PTPRM: variants seen among roughly 807,000 people sequenced by gnomAD.
PTPRM encodes the protein receptor-type tyrosine-protein phosphatase mu.
In PTPRM, 47 loss-of-function variants were observed where a neutral mutation model predicts 186.7. That is an observed-to-expected ratio of 0.25 (90% CI 0.20 to 0.32). The LOEUF (loss-of-function observed/expected upper bound fraction) is 0.32. PTPRM is among the 10% of genes least tolerant of loss of function. The pLI, the probability that PTPRM is intolerant of heterozygous loss-of-function variation, is 1.00. For synonymous variants in PTPRM, 668 were observed against 674.9 expected (o/e 0.99, Z 0.16); for missense variants, 1,494 against 1,865.0 (o/e 0.80, Z 3.66).
intron 7 of PTPRM, among the ~76,000 whole-genome samples, chr18:8,009,356 G>C (rs2084380477): frequency 6.7e-6 from 1 of 150,056 alleles, no homozygotes; most frequent in Non-Finnish European, 1.5e-5. Context: ...AAGCCTGAAA[G>C]AGCCCATTAC....
chr18:7,864,320 A>G (rs1235933802), intron 2 of PTPRM, among the ~76,000 whole-genome samples: 3 of 152,154 alleles, frequency 2.0e-5, no homozygotes, highest in East Asian at 3.8e-4. Context: ...TAGGATTTTT[A>G]TGGTTTTAGG....
intron 7 of PTPRM, among the ~76,000 whole-genome samples, chr18:8,052,301 T>C (rs139111611): frequency 1.3e-5 from 2 of 152,264 alleles, no homozygotes; most frequent in African/African-American, 4.8e-5. Context: ...CTAGAGAGTT[T>C]TATAGGGTCA....
intron 20 of PTPRM, among the ~76,000 whole-genome samples, chr18:8,302,991 G>T (rs1271651107): frequency 6.6e-6 from 1 of 152,112 alleles, no homozygotes; most frequent in Non-Finnish European, 1.5e-5. Context: ...TGAAAGAGAG[G>T]GATCTGGGCT....
intron 2 of PTPRM, among the ~76,000 whole-genome samples, chr18:7,775,806 C>A (rs1178904032): frequency 6.6e-6 from 1 of 152,194 alleles, no homozygotes; most frequent in African/African-American, 2.4e-5. Flanking sequence ...ATTTCAGAAT[C>A]TTTTCTAGCC....
intron 11 of PTPRM, among the ~76,000 whole-genome samples, chr18:8,099,021 G>T (rs554185217): frequency 6.6e-6 from 1 of 152,086 alleles, no homozygotes; most frequent in Non-Finnish European, 1.5e-5. Context: ...TATCCTGGGT[G>T]GTTCCATGCC....
intron 29 of PTPRM, among the ~76,000 whole-genome samples, chr18:8,383,666 A>AGC (rs778223834): frequency 6.6e-6 from 1 of 152,218 alleles, no homozygotes; most frequent in African/African-American, 2.4e-5. Flanking sequence ...TTCCAGGCAG[A>AGC]ACAGCAAAGC....
At chr18:8,209,121 C>T (rs1458013079) in intron 14 of PTPRM, among the ~76,000 whole-genome samples, 3 of 152,168 alleles carry the variant, frequency 2.0e-5, no homozygotes, top group East Asian at 1.9e-4. Context: ...TGAAAAAAGG[C>T]GTGACATTGT....
chr18:8,364,424 A>G (rs899076148), intron 23 of PTPRM, among the ~76,000 whole-genome samples: 2 of 152,202 alleles, frequency 1.3e-5, no homozygotes, highest in African/African-American at 4.8e-5. Flanking sequence ...ATCTTACTCC[A>G]TCACACTGAG....
intron 7 of PTPRM, among the ~76,000 whole-genome samples, chr18:7,993,465 A>C (rs1344778790): frequency 2.6e-5 from 4 of 152,130 alleles, no homozygotes; most frequent in Non-Finnish European, 4.4e-5. Flanking sequence ...AATTCTAAAC[A>C]ATAGAAAGAG....
At chr18:8,116,154 C>A (rs1302754170) in intron 13 of PTPRM, among the ~76,000 whole-genome samples, 1 of 152,160 alleles carries the variant, frequency 6.6e-6, no homozygotes. Context: ...AACCAGGTAT[C>A]CATTGATGCT....
rs2036468314 is a variant in PTPRM, at chr18:7,567,973, G to A, written c.73+82G>A. On this transcript the variant is annotated intron_variant, in intron 1 of 32. Coordinates refer to ENST00000580170, the MANE Select transcript of PTPRM (RefSeq NM_001105244.2). This position sits in a 1 kb window ranked among gnomAD's most constrained non-coding sequence, Gnocchi z 4.3. ...GGACGCCGACAGCTCCCTGGTGGTA[G>A]AGCCCTAAGGCTGGCGTCGGGGCCG... 1 of 1,385,226 alleles carries A rather than the reference G, an allele frequency of 7.2e-7. No homozygotes were observed. 85.8% of individuals were successfully genotyped at this position (1,385,226 alleles called of 1,614,324 possible). A position where few individuals can be genotyped will look rare whatever the true frequency, so the allele number is the denominator to read the frequency against.
At chr18:7,914,813 T>C (rs2050461726) in intron 4 of PTPRM, among the ~76,000 whole-genome samples, 1 of 152,146 alleles carries the variant, frequency 6.6e-6, no homozygotes, top group Non-Finnish European at 1.5e-5. Context: ...CTGTTCTTTT[T>C]GGCAGCAATT....
At chr18:7,814,631 G>A (rs1210897575) in intron 2 of PTPRM, 1 of 152,152 alleles carries the variant, frequency 6.6e-6, no homozygotes, top group Non-Finnish European at 1.5e-5. Flanking sequence ...TATATGTGTT[G>A]AGCACCACCA....
intron 7 of PTPRM, among the ~76,000 whole-genome samples, chr18:8,069,109 C>CAA (rs71165767): frequency 1.3e-3 from 102 of 78,598 alleles, no homozygotes; most frequent in Non-Finnish European, 1.6e-3. Flanking sequence ...GACTCCGTCT[C>CAA]AAAAAAAAAA....
At chr18:8,102,700 A>G (rs753857669) in intron 11 of PTPRM, among the ~76,000 whole-genome samples, 6 of 152,202 alleles carry the variant, frequency 3.9e-5, no homozygotes, top group Non-Finnish European at 5.9e-5. Flanking sequence ...GTTTAGAAAC[A>G]ACTTCTTCCA....
At chr18:8,279,081 AAT>A (rs1221319350) in intron 19 of PTPRM, among the ~76,000 whole-genome samples, 3 of 150,992 alleles carry the variant, frequency 2.0e-5, no homozygotes, top group African/African-American at 4.9e-5. Flanking sequence ...GTATAATACA[AAT>A]ATATATATAT....
chr18:7,922,719 ACTTG>A (rs1487165353), intron 4 of PTPRM, among the ~76,000 whole-genome samples: 3 of 152,120 alleles, frequency 2.0e-5, no homozygotes, highest in African/African-American at 4.8e-5. Context: ...AGTGAAGCCA[ACTTG>A]CTTCTATGCC....
chr18:8,323,421 C>T (rs1313489301), intron 22 of PTPRM, among the ~76,000 whole-genome samples: 2 of 152,136 alleles, frequency 1.3e-5, no homozygotes, highest in Non-Finnish European at 2.9e-5. Flanking sequence ...TGATGCTTCT[C>T]ATGACAACAC....
At chr18:7,856,648 G>A (rs2047109513) in intron 2 of PTPRM, among the ~76,000 whole-genome samples, 2 of 151,664 alleles carry the variant, frequency 1.3e-5, no homozygotes, top group African/African-American at 2.4e-5. Context: ...GGAGGCTGAG[G>A]CAAGAGTATC....
Sources: gnomAD v4.1 joint callset for allele counts (sites outside exome capture counted in the v4.1 genomes callset) on GRCh38, gnomAD v4.1.1 for gene constraint, Gnocchi (gnomAD v3.1) non-coding constraint, MANE v1.5 for transcripts, NCBI Gene and HGNC (gene_info 2026-07-23, HGNC 2026-07-21) for gene names.